PDE10A: variants seen among roughly 807,000 people sequenced by gnomAD.
PDE10A encodes phosphodiesterase 10A.
A neutral mutation model predicts 97.7 loss-of-function variants in PDE10A; 39 were observed. That is an observed-to-expected ratio of 0.40 (90% CI 0.31 to 0.52). The LOEUF (loss-of-function observed/expected upper bound fraction) is 0.52. Ranked by LOEUF, PDE10A falls within the 20% of genes least tolerant of loss-of-function variation. PDE10A has a pLI of 0.56. For synonymous variants in PDE10A, 371 were observed against 376.8 expected (o/e 0.98, Z 0.18); for missense variants, 731 against 1,047.8 (o/e 0.70, Z 4.17).
intron 18 of PDE10A, among the ~76,000 whole-genome samples, chr6:165,353,640 A>G (rs1782840679): frequency 6.6e-6 from 1 of 152,224 alleles, no homozygotes; most frequent in Non-Finnish European, 1.5e-5. Context: ...TTGAAAGTCA[A>G]CTACTCTATG....
chr6:165,623,674 T>C (rs897147208), intron 1 of PDE10A, among the ~76,000 whole-genome samples: 1 of 152,068 alleles, frequency 6.6e-6, no homozygotes, highest in East Asian at 1.9e-4. Context: ...CACTGTGGGG[T>C]CACCAGTGGC....
At chr6:165,842,968 A>T (rs1780301773) in intron 1 of PDE10A, among the ~76,000 whole-genome samples, 1 of 152,240 alleles carries the variant, frequency 6.6e-6, no homozygotes, top group Admixed American at 6.5e-5. Context: ...AAGTGCTGTG[A>T]AGATTAGAGA....
chr6:165,655,092 G>A lies in PDE10A; in HGVS notation c.865+6855C>T, dbSNP rs532067513. On this transcript the variant is annotated intron_variant, in intron 1 of 21. Transcript: ENST00000539869. This position sits in a 1 kb window ranked among gnomAD's most constrained non-coding sequence, Gnocchi z 4.5. ...CAGAATTCCAGCGGGCCGTCCGTTC[G>A]CGTGTCAAACTTCAGCCAGGCACTT... Among the ~76,000 whole-genome samples the A allele has an allele frequency of 1.5e-4, 23 of 152,224 alleles. No homozygotes were observed. Among genetic ancestry groups the A allele is most frequent in the African/African-American group, 5.1e-4 (21 of 41,520 alleles).
intron 5 of PDE10A, among the ~76,000 whole-genome samples, chr6:165,443,143 T>G (rs1363602616): frequency 4.9e-5 from 7 of 143,674 alleles, no homozygotes; most frequent in African/African-American, 1.5e-4. Flanking sequence ...AATGTCCAAG[T>G]CTAAAGTCTC....
intron 1 of PDE10A, among the ~76,000 whole-genome samples, chr6:165,779,963 C>T (rs1353391027): frequency 6.6e-6 from 1 of 152,216 alleles, no homozygotes. Flanking sequence ...CTATTGAGTG[C>T]CTAGCCCTGC....
At chr6:165,421,815 AC>A (rs1361457770) in intron 10 of PDE10A, among the ~76,000 whole-genome samples, 3 of 152,242 alleles carry the variant, frequency 2.0e-5, no homozygotes, top group Non-Finnish European at 4.4e-5. Context: ...TACTTCCAGC[AC>A]CTTGGGAGGC....
At chr6:165,412,884 A>G (rs1787989177) in intron 13 of PDE10A, among the ~76,000 whole-genome samples, 1 of 152,230 alleles carries the variant, frequency 6.6e-6, no homozygotes, top group Non-Finnish European at 1.5e-5. Context: ...GAGTTTACAG[A>G]ATACTAAATG....
intron 1 of PDE10A, among the ~76,000 whole-genome samples, chr6:165,969,109 T>C (rs1470626005): frequency 2.0e-5 from 3 of 152,234 alleles, no homozygotes; most frequent in Admixed American, 6.5e-5. Context: ...GAGAAAGATA[T>C]GAGGTATAAC....
rs567503036 is a variant in PDE10A, at chr6:165,364,145, T to G, written c.2783+15049A>C. Among the ~76,000 whole-genome samples the G allele has an allele frequency of 7.2e-4, 109 of 152,336 alleles. 1 individual carries two copies. The highest frequency in any genetic ancestry group is 1.3e-3 in the Non-Finnish European group (88 of 68,034). The stretch of plus-strand genomic sequence containing the variant: ...TTTGTAACTCTAGATAATACAAGTT[T>G]CTATAGACTGAATGTTTCTTTCCCC... On this transcript the variant is annotated intron_variant, in intron 18 of 21. Coordinates refer to ENST00000539869, the MANE Select transcript of PDE10A (RefSeq NM_001385079.1).
intron 2 of PDE10A, among the ~76,000 whole-genome samples, chr6:165,522,086 T>G (rs1019055885): frequency 2.0e-5 from 3 of 152,176 alleles, no homozygotes; most frequent in African/African-American, 7.2e-5. Context: ...TCATGGACAC[T>G]TTTGCTGCTT....
chr6:165,456,868 T>A (rs552993525), intron 3 of PDE10A, among the ~76,000 whole-genome samples: 18 of 152,354 alleles, frequency 1.2e-4, no homozygotes, highest in Admixed American at 9.8e-4. Flanking sequence ...TACTATAATT[T>A]CTATATTGAC....
chr6:165,462,465 T>C (rs1412860014), intron 3 of PDE10A, among the ~76,000 whole-genome samples: 1 of 152,134 alleles, frequency 6.6e-6, no homozygotes, highest in Non-Finnish European at 1.5e-5. Context: ...GGGTAAAGGT[T>C]ATGCTTGTGC....
At position 165,513,143 on chromosome 6, in the gene PDE10A, A is replaced by G. The variant is rs564244659; in HGVS notation, c.994+30297T>C. On this transcript the variant is annotated intron_variant, in intron 2 of 21. Coordinates refer to ENST00000539869, the MANE Select transcript of PDE10A (RefSeq NM_001385079.1). ...AGAACTTTACCCCACCAAAGACCAT[A>G]CTTTTTTCTAAGAAATTTTAGAATT... 3.3e-4 allele frequency among the ~76,000 whole-genome samples: 50 copies of G among 152,120 alleles called. 1 individual carries two copies. The South Asian group carries it at 6.0e-3, about 18-fold the overall frequency.
chr6:165,471,994 T>C (rs1356148504), intron 3 of PDE10A, among the ~76,000 whole-genome samples: 1 of 152,182 alleles, frequency 6.6e-6, no homozygotes, highest in Non-Finnish European at 1.5e-5. Context: ...AATACTCCCT[T>C]TTGAGATGAG....
At chr6:165,686,635 C>T in intron 1 of PDE10A, among the ~76,000 whole-genome samples, 1 of 152,172 alleles carries the variant, frequency 6.6e-6, no homozygotes, top group Non-Finnish European at 1.5e-5. Flanking sequence ...TGTTTTCAAT[C>T]GAATCATGAA....
chr6:165,514,868 T>C (rs948253063), intron 2 of PDE10A, among the ~76,000 whole-genome samples: 8 of 152,224 alleles, frequency 5.3e-5, no homozygotes, highest in Non-Finnish European at 8.8e-5. Flanking sequence ...TGTATTGCCT[T>C]TGAATGATGT....
At chr6:165,814,751 A>C (rs1045636876) in intron 1 of PDE10A, among the ~76,000 whole-genome samples, 2 of 152,182 alleles carry the variant, frequency 1.3e-5, no homozygotes, top group African/African-American at 4.8e-5. Flanking sequence ...TATTATAGTC[A>C]AATGAACAAC....
intron 1 of PDE10A, among the ~76,000 whole-genome samples, chr6:165,761,993 TCTTAAAA>T (rs1327576889): frequency 3.3e-5 from 5 of 152,214 alleles, no homozygotes; most frequent in Admixed American, 1.3e-4. Flanking sequence ...ACTCTCCCTG[TCTTAAAA>T]CTCAACAAAG....
In PDE10A at chr6:165,592,149, C is replaced by T. The variant is rs149934771; in HGVS notation, c.866-48581G>A. On this transcript the variant is annotated intron_variant, in intron 1 of 21. Transcript: ENST00000539869. ...AACAGAACAGAGGCCTCAGAAATAA[C>T]GCCACACATCTACAACCATCTGATC... Among the ~76,000 whole-genome samples the T allele has an allele frequency of 7.3e-4, 111 of 152,150 alleles. 1 individual carries two copies. The highest frequency in any genetic ancestry group is 1.2e-3 in the African/African-American group (51 of 41,512).
Sources: gnomAD v4.1 joint callset for allele counts (sites outside exome capture counted in the v4.1 genomes callset) on GRCh38, gnomAD v4.1.1 for gene constraint, Gnocchi (gnomAD v3.1) non-coding constraint, MANE v1.5 for transcripts, NCBI Gene and HGNC (gene_info 2026-07-23, HGNC 2026-07-21) for gene names.